Variants in UBE3C observed in about 807,000 individuals in gnomAD.
The protein encoded by UBE3C is ubiquitin protein ligase E3C, also known as ubiquitin-protein ligase E3C.
Under a neutral mutation model 129.4 loss-of-function variants are expected in UBE3C, and 42 were observed. That is an observed-to-expected ratio of 0.32 (90% CI 0.25 to 0.42). The LOEUF (loss-of-function observed/expected upper bound fraction) is 0.42. Ranked by LOEUF, UBE3C falls within the 10% of genes least tolerant of loss-of-function variation. UBE3C has a pLI of 1.00. For synonymous variants in UBE3C, 510 were observed against 492.4 expected (o/e 1.04, Z -0.47); for missense variants, 1,049 against 1,319.1 (o/e 0.80, Z 3.17).
At chr7:157,143,479 CCTT>C (rs1586638675) in intron 1 of UBE3C, among the ~76,000 whole-genome samples, 1 of 152,310 alleles carries the variant, frequency 6.6e-6, no homozygotes, top group East Asian at 1.9e-4. Context: ...GGGTGCACTC[CCTT>C]CTTCCTGTCT....
intron 18 of UBE3C, among the ~76,000 whole-genome samples, chr7:157,239,849 CT>C (rs371706917): frequency 1.2e-4 from 19 of 152,310 alleles, no homozygotes; most frequent in African/African-American, 4.3e-4. Context: ...TAGAGGAACA[CT>C]GGGTGCAGCT....
intron 10 of UBE3C, chr7:157,198,032 A>G: frequency 6.2e-7 from 1 of 1,605,688 alleles, no homozygotes; most frequent in South Asian, 1.1e-5. Flanking sequence ...GGCCACCATG[A>G]ACAAGGCACT....
rs577083690 is a variant in UBE3C at position 157,189,463 on chromosome 7, G to A, written c.1331+2442G>A. Among the ~76,000 whole-genome samples the A allele has an allele frequency of 2.0e-4, 31 of 152,294 alleles. No individual in the cohort carries two copies. The South Asian group carries it at 6.4e-3, about 32-fold the overall frequency. ...AGTATCAGACAACTAAAATAAGAAA[G>A]TAGGCTACCAAAGATAGCCTGTTAG... On this transcript the variant is annotated intron_variant, in intron 10 of 22. Transcript: ENST00000348165.
Position 157,208,927 on chromosome 7 carries a change from C to T in UBE3C, c.1809+992C>T, listed in dbSNP as rs1586689904. Among the ~76,000 whole-genome samples the T allele has an allele frequency of 2.6e-5, 4 of 152,240 alleles. No homozygotes were observed. The East Asian group carries it at 5.8e-4, about 22-fold the overall frequency. ...TTTTCCAAATTGAATGCTAGATTTA[C>T]AGTCCGTTTAATACCAGCGACCTCT... On this transcript the variant is annotated intron_variant, in intron 13 of 22. Coordinates refer to ENST00000348165, the MANE Select transcript of UBE3C (RefSeq NM_014671.3).
intron 15 of UBE3C, chr7:157,222,886 AAGGGCACGAAGGTGGTCGGGGGTGGCC>A (rs1418677256): frequency 4.6e-6 from 1 of 217,334 alleles, no homozygotes; most frequent in Middle Eastern, 1.7e-3. Context: ...GTAGGAGGGA[AAGGGCACGAAGGTGGTCGGGGGTGGCC>A]AGGGCACCGC....
At chr7:157,220,326 G>GA (rs1331677961) in intron 14 of UBE3C, among the ~76,000 whole-genome samples, 6 of 149,184 alleles carry the variant, frequency 4.0e-5, no homozygotes, top group African/African-American at 7.4e-5. Context: ...CAACCAAATT[G>GA]AAAAAAAAAC....
chr7:157,229,321 G>C (rs201961173), intron 17 of UBE3C, among the ~76,000 whole-genome samples: 1 of 152,068 alleles, frequency 6.6e-6, no homozygotes, highest in East Asian at 1.9e-4. Flanking sequence ...ATTTTTGTTT[G>C]TTTGTTTTTT....
intron 1 of UBE3C, 115 bp downstream of exon 1, chr7:157,139,453 T>G: frequency 3.4e-6 from 2 of 590,772 alleles, no homozygotes; most frequent in African/African-American, 2.0e-5. Context: ...TGGGGCTGGA[T>G]TCGGGGCCTC....
Position 157,216,886 on chromosome 7 carries a change from A to C in UBE3C, c.1829A>C (p.Lys610Thr). Residue 610 changes from lysine (K) to threonine (T), a missense_variant, in exon 14 of 23, where the codon AAA becomes ACA. Around this residue, in one of 4 missense-constraint regions of UBE3C, gnomAD observed 314 missense variants for 416.9 expected, o/e 0.75. Coordinates refer to ENST00000348165, the MANE Select transcript of UBE3C (RefSeq NM_014671.3). Reference sequence around the variant, plus strand: ...TTTCAGGTTATCACCAATCTAGTGAAAATGTTGAAGTCCAGAGACACGAGG... The same window carrying C: ...TTTCAGGTTATCACCAATCTAGTGACAATGTTGAAGTCCAGAGACACGAGG... ...QLFKVITNLV[K>T]MLKSRDTRRN... 1 of 1,613,918 alleles carries C rather than the reference A, an allele frequency of 6.2e-7. No homozygotes were observed. The highest frequency in any genetic ancestry group is 8.5e-7 in the Non-Finnish European group (1 of 1,179,940).
At position 157,168,178 on chromosome 7, in the gene UBE3C, C is replaced by T. The variant is rs201267897; in HGVS notation, c.121-870C>T. ...CATCCTGGCTAACATGGTGAAACCC[C>T]GTCTCTACTAAATATACAAAAAATT... On this transcript the variant is annotated intron_variant, in intron 2 of 22. Coordinates refer to ENST00000348165, the MANE Select transcript of UBE3C (RefSeq NM_014671.3). Among the ~76,000 whole-genome samples, 6 of 151,760 alleles carry T rather than the reference C, an allele frequency of 4.0e-5. No individual in the cohort carries two copies. The South Asian group carries it at 8.4e-4, about 21-fold the overall frequency.
intron 18 of UBE3C, among the ~76,000 whole-genome samples, chr7:157,247,465 G>A (rs1796508812): frequency 6.6e-6 from 1 of 152,198 alleles, no homozygotes; most frequent in African/African-American, 2.4e-5. Context: ...GCCGAAGTGG[G>A]TGGATCACCT....
rs1255514545 is a variant in UBE3C, at chr7:157,268,695, T to A, written c.*940T>A. 2 of 152,728 alleles carry A rather than the reference T, an allele frequency of 1.3e-5. No homozygotes were observed. The highest frequency in any genetic ancestry group is 1.3e-4 in the Admixed American group (2 of 15,292). The allele number at this position is 152,728 out of a possible 1,614,324, so 9.5% of individuals were successfully genotyped here. ...GTCTTCCTGGATATTTGGGGGTGACTCGCCATGCTTGGCACCCTCTGCTTC... is the reference window on the plus strand; with the variant it reads ...GTCTTCCTGGATATTTGGGGGTGACACGCCATGCTTGGCACCCTCTGCTTC... On this transcript the variant is annotated 3_prime_UTR_variant, in exon 23 of 23. Coordinates refer to ENST00000348165, the MANE Select transcript of UBE3C (RefSeq NM_014671.3).
intron 11 of UBE3C, among the ~76,000 whole-genome samples, chr7:157,205,308 T>G (rs550938804): frequency 6.6e-6 from 1 of 152,238 alleles, no homozygotes; most frequent in East Asian, 1.9e-4. Context: ...AGAGGACAAA[T>G]AAGTTTTTGT....
chr7:157,242,514 G>GTTT lies in UBE3C; in HGVS notation c.2482-5833_2482-5831dup, dbSNP rs33913991. On this transcript the variant is annotated intron_variant, in intron 18 of 22. Coordinates refer to ENST00000348165, the MANE Select transcript of UBE3C (RefSeq NM_014671.3). Reference sequence around the variant, plus strand: ...GGTACCTTGAGACTGAGCCTGAGTTGTTTTTTTTTTTTTTTTTTTTTTTAA... The same window carrying GTTT: ...GGTACCTTGAGACTGAGCCTGAGTTGTTTTTTTTTTTTTTTTTTTTTTTTTTAA... Among the ~76,000 whole-genome samples the GTTT allele has an allele frequency of 8.3e-3, 930 of 111,994 alleles. 4 individuals are homozygous for GTTT. Among genetic ancestry groups the GTTT allele is most frequent in the African/African-American group, 0.011 (313 of 27,412 alleles). The allele number at this position is 111,994 out of a possible 152,430, so 73.5% of individuals were successfully genotyped here.
chr7:157,259,467 C>A (rs1796840968), intron 22 of UBE3C, among the ~76,000 whole-genome samples: 2 of 152,004 alleles, frequency 1.3e-5, no homozygotes, highest in Non-Finnish European at 2.9e-5. Flanking sequence ...TCAGAGCAAG[C>A]CTTCATAATG....
At chr7:157,255,761 A>C (rs1383824737) in intron 21 of UBE3C, among the ~76,000 whole-genome samples, 1 of 152,174 alleles carries the variant, frequency 6.6e-6, no homozygotes, top group Non-Finnish European at 1.5e-5. Context: ...TACAGCAATT[A>C]TTTTAGGTTT....
chr7:157,240,715 C>T (rs1028086259), intron 18 of UBE3C, among the ~76,000 whole-genome samples: 1 of 152,098 alleles, frequency 6.6e-6, no homozygotes, highest in Admixed American at 6.5e-5. Flanking sequence ...GCAAGGGAAG[C>T]TGGACAGGAG....
chr7:157,157,987 T>G (rs10264936), intron 1 of UBE3C, among the ~76,000 whole-genome samples: 62,444 of 132,510 alleles, frequency 0.47, 13,880 homozygotes, highest in East Asian at 0.53. Flanking sequence ...TATATATATA[T>G]AGAGAGAGAG....
chr7:157,159,324 T>TA (rs11370278), intron 1 of UBE3C, among the ~76,000 whole-genome samples: 41,551 of 145,196 alleles, frequency 0.29, 8,120 homozygotes, highest in African/African-American at 0.57. Context: ...AAGAAAAGAT[T>TA]AAAAAAAAAA....
Sources: allele counts gnomAD v4.1 joint callset (sites outside exome capture counted in the v4.1 genomes callset), GRCh38; gene constraint gnomAD v4.1.1; regional missense constraint gnomAD v4.1.1; transcripts MANE v1.5; gene names NCBI Gene and HGNC (gene_info 2026-07-23, HGNC 2026-07-21).